The following PNPLA8 variants were observed in gnomAD, a reference collection of about 807,000 sequenced individuals.
PNPLA8 encodes calcium-independent phospholipase A2-gamma.
PNPLA8 carries 39 observed loss-of-function variants against 76.9 expected under a neutral mutation model. That is an observed-to-expected ratio of 0.51 (90% confidence interval 0.39 to 0.66). PNPLA8 has a LOEUF of 0.66. PNPLA8 is among the 30% of genes least tolerant of loss of function. The pLI is 0.00. For missense variants in PNPLA8, 887 were observed against 918.0 expected, an observed-to-expected ratio of 0.97 and a Z score of 0.44; for synonymous variants, 301 against 307.9, an observed-to-expected ratio of 0.98 and a Z score of 0.24.
chr7:108,510,905 C>A (rs1862871449), intron 4 of PNPLA8: 31 of 1,586,612 alleles, frequency 2.0e-5, no homozygotes, highest in Non-Finnish European at 2.6e-5. Context: ...AAAGACCACC[C>A]ATTTTGTAGA....
At chr7:108,484,832 G>A (rs534449752) in intron 9 of PNPLA8, among the ~76,000 whole-genome samples, 4 of 152,192 alleles carry the variant, frequency 2.6e-5, no homozygotes, top group Non-Finnish European at 4.4e-5. Context: ...TGCCAACTAT[G>A]GTTAAAAATC....
chr7:108,486,825 A>C (rs1478406766), intron 9 of PNPLA8, among the ~76,000 whole-genome samples: 1 of 152,130 alleles, frequency 6.6e-6, no homozygotes. Context: ...ATCTCTGTCA[A>C]CAGCGTAAGA....
chr7:108,491,037 G>A (rs194587), intron 8 of PNPLA8, among the ~76,000 whole-genome samples: 42,383 of 151,968 alleles, frequency 0.28, 6,237 homozygotes, highest in African/African-American at 0.32. Flanking sequence ...GGGCACGATG[G>A]CTCATGCCTG....
intron 5 of PNPLA8, among the ~76,000 whole-genome samples, chr7:108,498,619 C>T (rs894363749): frequency 2.0e-5 from 3 of 151,964 alleles, no homozygotes; most frequent in African/African-American, 7.3e-5. Flanking sequence ...TTTTTAAAAA[C>T]TCTCAATAAC....
upstream of PNPLA8, chr7:108,528,099 T>A (rs1864152827): frequency 6.6e-6 from 1 of 152,234 alleles, no homozygotes; most frequent in South Asian, 2.1e-4. Context: ...CCGCAGAATT[T>A]CTTGAATCGT....
chr7:108,507,031 G>A (rs888503081), intron 4 of PNPLA8, among the ~76,000 whole-genome samples: 1 of 152,038 alleles, frequency 6.6e-6, no homozygotes, highest in Non-Finnish European at 1.5e-5. Context: ...GAGAAGGGGA[G>A]AAAATAGATC....
chr7:108,472,900 ACTT>A (rs560147662), intron 10 of PNPLA8, among the ~76,000 whole-genome samples: 278 of 152,268 alleles, frequency 1.8e-3, no homozygotes, highest in Non-Finnish European at 2.5e-3. Flanking sequence ...AAATTAGTAT[ACTT>A]CTTCTATTCT....
chr7:108,518,808 T>C (rs1229104483), intron 2 of PNPLA8, among the ~76,000 whole-genome samples: 1 of 149,888 alleles, frequency 6.7e-6, no homozygotes, highest in East Asian at 2.0e-4. Context: ...AAAATCTACA[T>C]ATGCAGTTGA....
At position 108,514,908 on chromosome 7, in the gene PNPLA8, G is replaced by C. The variant is rs1238198963; in HGVS notation, c.584C>G (p.Ser195Cys). Residue 195 changes from serine to cysteine, a missense_variant, in exon 3 of 11, where the codon TCT becomes TGT. Transcript: ENST00000257694. Reference protein sequence around the residue: ...GKRSLFHYTSSITTKFGDSFY... With the variant: ...GKRSLFHYTSCITTKFGDSFY... ...TGAGTCTCCAAATTTTGTGGTTATA[G>C]AACTTGTGTAATGAAAAAGACTGCG... 1 of 1,608,862 alleles carries C rather than the reference G, an allele frequency of 6.2e-7. No individual in the cohort carries two copies. Among genetic ancestry groups the C allele is most frequent in the African/African-American group, 1.3e-5 (1 of 74,416 alleles).
At chr7:108,484,469 T>C (rs927093384) in intron 9 of PNPLA8, among the ~76,000 whole-genome samples, 1 of 152,090 alleles carries the variant, frequency 6.6e-6, no homozygotes, top group Non-Finnish European at 1.5e-5. Flanking sequence ...CAAGCGATCC[T>C]CCAGCCTCAA....
chr7:108,509,790 A>G (rs1264653682), intron 4 of PNPLA8, among the ~76,000 whole-genome samples: 1 of 146,994 alleles, frequency 6.8e-6, no homozygotes, highest in Non-Finnish European at 1.5e-5. Context: ...ATGTCCAACA[A>G]TGATAGACTG....
intron 4 of PNPLA8, among the ~76,000 whole-genome samples, chr7:108,507,199 T>A (rs1461296096): frequency 6.6e-6 from 1 of 151,532 alleles, no homozygotes; most frequent in African/African-American, 2.4e-5. Context: ...AAAAATTAGC[T>A]GGGCGTGGTG....
At chr7:108,513,966 A>T (rs551248581) in intron 4 of PNPLA8, among the ~76,000 whole-genome samples, 178 bp downstream of exon 4, 1 of 152,238 alleles carries the variant, frequency 6.6e-6, no homozygotes, top group Non-Finnish European at 1.5e-5. Flanking sequence ...AATAAAATGA[A>T]TTGATTAGCA....
rs1859593145 is a variant in PNPLA8, at chr7:108,470,978, A to G, written c.*1423T>C. The G allele has an allele frequency of 6.6e-6, 1 of 152,192 alleles. No homozygotes were observed. Among genetic ancestry groups the G allele is most frequent in the Non-Finnish European group, 1.5e-5 (1 of 68,044 alleles). The allele number at this position is 152,192 out of a possible 1,614,324, so 9.4% of individuals were successfully genotyped here. A position where few individuals can be genotyped will look rare whatever the true frequency, so the allele number is the denominator to read the frequency against. ...GATATTGCAAAGAAGCAATATGACT[A>G]TCTGGGCAACAGGGTCTAGCTTTAG... On this transcript the variant is annotated 3_prime_UTR_variant, in exon 11 of 11. Transcript: ENST00000257694.
chr7:108,527,040 C>T (rs904635253), upstream of PNPLA8, among the ~76,000 whole-genome samples: 1 of 152,124 alleles, frequency 6.6e-6, no homozygotes, highest in African/African-American at 2.4e-5. Flanking sequence ...TTGCAATAGC[C>T]CCTTACCCTC....
intron 5 of PNPLA8, among the ~76,000 whole-genome samples, chr7:108,501,313 C>A (rs904633198): frequency 3.3e-5 from 5 of 152,154 alleles, no homozygotes; most frequent in African/African-American, 1.2e-4. Flanking sequence ...TAAACAAAGA[C>A]TGAGTAGGAA....
In PNPLA8 at chr7:108,477,117, C is replaced by T. The variant is rs1455381582; in HGVS notation, c.2074+2067G>A. ...AGTTTTGTTTACTTTAAATTTGCTACGGGAGTAAATCTTAAGTGTTCTTAC... is the reference window on the plus strand; with the variant it reads ...AGTTTTGTTTACTTTAAATTTGCTATGGGAGTAAATCTTAAGTGTTCTTAC... On this transcript the variant is annotated intron_variant, in intron 10 of 10. Coordinates refer to ENST00000257694, the MANE Select transcript of PNPLA8 (RefSeq NM_001256007.3). Among the ~76,000 whole-genome samples, 4 of 152,088 alleles carry T rather than the reference C, an allele frequency of 2.6e-5. 1 individual carries two copies. The South Asian group carries it at 8.3e-4, about 31-fold the overall frequency.
intron 1 of PNPLA8, among the ~76,000 whole-genome samples, chr7:108,522,274 A>G (rs1286183827): frequency 1.3e-5 from 2 of 151,112 alleles, no homozygotes; most frequent in Non-Finnish European, 3.0e-5. Flanking sequence ...AGCCTGGGTG[A>G]CAGAGCGAGA....
chr7:108,485,397 T>C (rs1860676561), intron 9 of PNPLA8, among the ~76,000 whole-genome samples: 1 of 152,108 alleles, frequency 6.6e-6, no homozygotes, highest in African/African-American at 2.4e-5. Context: ...ATCTCCCCAT[T>C]CACCTACACA....
Sources: allele counts gnomAD v4.1 joint callset (sites outside exome capture counted in the v4.1 genomes callset), GRCh38; gene constraint gnomAD v4.1.1; transcripts MANE v1.5; gene names NCBI Gene and HGNC (gene_info 2026-07-23, HGNC 2026-07-21).